Variants in NSD1 observed in about 807,000 individuals in gnomAD.
NSD1 encodes the protein histone-lysine N-methyltransferase, H3 lysine-36 specific.
Under a neutral mutation model 242.7 loss-of-function variants are expected in NSD1, and 26 were observed. That is an observed-to-expected ratio of 0.11 (90% CI 0.08 to 0.15). The LOEUF is 0.15. NSD1 is among the 10% of genes least tolerant of loss of function. NSD1 has a pLI of 1.00. For missense variants in NSD1, 2,495 were observed against 3,272.8 expected, an observed-to-expected ratio of 0.76 and a Z score of 5.80; for synonymous variants, 1,106 against 1,178.1, an observed-to-expected ratio of 0.94 and a Z score of 1.25.
chr5:177,208,382 G>A (rs372382218), intron 4 of NSD1, among the ~76,000 whole-genome samples: 9 of 152,154 alleles, frequency 5.9e-5, no homozygotes, highest in African/African-American at 2.2e-4. Context: ...CAGGTGGCTA[G>A]TGATAACTAG....
chr5:177,233,051 G>C (rs1282695388), intron 5 of NSD1, among the ~76,000 whole-genome samples: 2 of 152,170 alleles, frequency 1.3e-5, no homozygotes, highest in East Asian at 3.9e-4. Context: ...TGTTCTCACT[G>C]TTAGTGATTT....
chr5:177,153,115 C>G (rs1306881345), intron 2 of NSD1, among the ~76,000 whole-genome samples: 2 of 151,728 alleles, frequency 1.3e-5, no homozygotes, highest in African/African-American at 4.8e-5. Context: ...GAAATTAGTT[C>G]TTTGGAGGAG....
intron 2 of NSD1, among the ~76,000 whole-genome samples, chr5:177,185,795 A>C (rs866709405): frequency 2.3e-5 from 2 of 88,396 alleles, no homozygotes; most frequent in Non-Finnish European, 3.9e-5. Context: ...TATATTATAT[A>C]TATATATATA....
intron 5 of NSD1, among the ~76,000 whole-genome samples, chr5:177,229,033 A>G (rs1764850823): frequency 6.6e-6 from 1 of 151,984 alleles, no homozygotes; most frequent in Non-Finnish European, 1.5e-5. Flanking sequence ...ATCATGCAAT[A>G]TGTGATCTTT....
chr5:177,195,660 G>T (rs1298239216), intron 3 of NSD1, among the ~76,000 whole-genome samples: 1 of 152,092 alleles, frequency 6.6e-6, no homozygotes, highest in Non-Finnish European at 1.5e-5. Flanking sequence ...GTAGAGACAG[G>T]GTTTTGCCTT....
Position 177,210,485 on chromosome 5 carries a change from G to A in NSD1, c.2086G>A (p.Val696Ile), listed in dbSNP as rs1296355987. ...TAGGTTTGCTGCCACAAACACTAGG[G>A]TAAAAGCAAAACAGAAGCCTCTCAT... ...YSRFAATNTR[V>I]KAKQKPLISN... Residue 696 changes from valine to isoleucine, a missense_variant, in exon 5 of 23, where the codon GTA becomes ATA. Val to Ile is a conservative substitution (Grantham distance 29, BLOSUM62 3). Coordinates refer to ENST00000439151, the MANE Select transcript of NSD1 (RefSeq NM_022455.5). The A allele has an allele frequency of 6.2e-7, 1 of 1,614,144 alleles. No homozygotes were observed. Among genetic ancestry groups the A allele is most frequent in the Non-Finnish European group, 8.5e-7 (1 of 1,180,016 alleles).
rs1562280465 is a variant in NSD1 at position 177,269,514 on chromosome 5, G to A, written c.5304-88G>A. The A allele has an allele frequency of 1.6e-5, 18 of 1,145,828 alleles. No individual in the cohort carries two copies. Among genetic ancestry groups the A allele is most frequent in the South Asian group, 1.5e-4 (12 of 78,100 alleles). 71.0% of individuals were successfully genotyped at this position (1,145,828 alleles called of 1,614,324 possible). A position where few individuals can be genotyped will look rare whatever the true frequency, so the allele number is the denominator to read the frequency against. ...ACTTTAATGTGGACAGACAGACATT[G>A]CTAATCCTTACTTTTATATGAGTAG... On this transcript the variant is annotated intron_variant, in intron 15 of 22. Coordinates refer to ENST00000439151, the MANE Select transcript of NSD1 (RefSeq NM_022455.5). This position sits in a 1 kb window ranked among gnomAD's most constrained non-coding sequence, Gnocchi z 5.1.
chr5:177,241,810 G>A (rs1018136456), intron 8 of NSD1, among the ~76,000 whole-genome samples: 3 of 152,120 alleles, frequency 2.0e-5, no homozygotes, highest in Non-Finnish European at 4.4e-5. Flanking sequence ...TTTGTCATAA[G>A]GCTAAAGCCA....
At chr5:177,255,707 G>T (rs977207700) in intron 12 of NSD1, among the ~76,000 whole-genome samples, 2 of 151,946 alleles carry the variant, frequency 1.3e-5, no homozygotes, top group Non-Finnish European at 2.9e-5. Flanking sequence ...CTCAGCCTCT[G>T]TATTAGTTGG....
At chr5:177,220,644 A>G (rs1764163939) in intron 5 of NSD1, among the ~76,000 whole-genome samples, 2 of 135,352 alleles carry the variant, frequency 1.5e-5, no homozygotes, top group Non-Finnish European at 3.0e-5. Context: ...ATCTTAGCTC[A>G]CTGCAAACTC....
chr5:177,271,789 A>G (rs1014925832), intron 16 of NSD1, among the ~76,000 whole-genome samples: 2 of 152,122 alleles, frequency 1.3e-5, no homozygotes, highest in Non-Finnish European at 2.9e-5. Context: ...TGGGACCATT[A>G]AAAGGTGAGA....
At chr5:177,224,825 A>G (rs892690704) in intron 5 of NSD1, among the ~76,000 whole-genome samples, 9 of 151,486 alleles carry the variant, frequency 5.9e-5, no homozygotes, top group Admixed American at 2.6e-4. Flanking sequence ...TGGTTTTGTT[A>G]TATTACCTTT....
rs187196202 is a variant in NSD1, at chr5:177,209,384, C to G, written c.1237-252C>G. Among the ~76,000 whole-genome samples the G allele has an allele frequency of 6.6e-5, 10 of 151,920 alleles. No individual in the cohort carries two copies. The East Asian group carries it at 1.8e-3, about 27-fold the overall frequency. ...TTCTACTGAAAATACAAAAAATTAG[C>G]TGGGTGTGGTGGCGGGTGCCTGTAA... On this transcript the variant is annotated intron_variant, in intron 4 of 22. Coordinates refer to ENST00000439151, the MANE Select transcript of NSD1 (RefSeq NM_022455.5).
chr5:177,182,167 A>T (rs1238665207), intron 2 of NSD1, among the ~76,000 whole-genome samples: 1 of 148,668 alleles, frequency 6.7e-6, no homozygotes, highest in South Asian at 2.1e-4. Context: ...AAAAAAAAAA[A>T]TTAGCTGGTC....
In NSD1 at chr5:177,246,710, C is replaced by G. The variant is rs570278338; in HGVS notation, c.4411C>G (p.Arg1471Gly). Residue 1471 changes from arginine (R) to glycine (G), a missense_variant, in exon 10 of 23, where the codon CGA becomes GGA. Transcript: ENST00000439151. ...CAAGATATTTGACAAGCCAAGGAAG[C>G]GAAAACGACAGAGGCATGCTGCAGC... Reference protein sequence around the residue: ...TTKIFDKPRKRKRQRHAAAKM... With the variant: ...TTKIFDKPRKGKRQRHAAAKM... 7 of 1,613,806 alleles carry G rather than the reference C, an allele frequency of 4.3e-6. No homozygotes were observed. The Admixed American group carries it at 6.7e-5, about 15-fold the overall frequency.
rs970731840 is a variant in NSD1, at chr5:177,248,438, C to G, written c.4641+114C>G. ...AGAATAACAATGCTTTTGGATGATT[C>G]CAGTGGAGTCACTTTCTTTAAGGAT... On this transcript the variant is annotated intron_variant, in intron 11 of 22. Transcript: ENST00000439151. 4.7e-6 allele frequency: 6 copies of G among 1,289,286 alleles called. No individual in the cohort carries two copies. The African/African-American group carries it at 7.4e-5, about 16-fold the overall frequency. The allele number at this position is 1,289,286 out of a possible 1,614,324, so 79.9% of individuals were successfully genotyped here.
intron 15 of NSD1, 67 bp downstream of exon 15, chr5:177,267,785 T>C (rs1446139564): frequency 2.8e-6 from 4 of 1,452,644 alleles, no homozygotes; most frequent in African/African-American, 1.4e-5. Flanking sequence ...TCAGATACAA[T>C]GCTTAACGTA....
Position 177,195,584 on chromosome 5 carries a change from G to C in NSD1, c.1063+3565G>C, listed in dbSNP as rs144280584. Among the ~76,000 whole-genome samples the C allele has an allele frequency of 4.5e-3, 684 of 152,168 alleles. 7 individuals are homozygous for C. The highest frequency in any genetic ancestry group is 0.016 in the African/African-American group (652 of 41,500). On this transcript the variant is annotated intron_variant, in intron 3 of 22. Coordinates refer to ENST00000439151, the MANE Select transcript of NSD1 (RefSeq NM_022455.5). ...CCAGGGTCAAGCGATCTTCCCTCCT[G>C]TGCCTTCCAAGCAGCTGGGGCTACA...
intron 19 of NSD1, among the ~76,000 whole-genome samples, chr5:177,283,340 TC>T (rs199836799): frequency 0.023 from 3,500 of 152,332 alleles, 55 homozygotes; most frequent in South Asian, 0.054. Context: ...GATCTTCACT[TC>T]CAGATATTCT....
Sources: allele counts gnomAD v4.1 joint callset (sites outside exome capture counted in the v4.1 genomes callset), GRCh38; gene constraint gnomAD v4.1.1; non-coding constraint Gnocchi (gnomAD v3.1); transcripts MANE v1.5; gene names NCBI Gene and HGNC (gene_info 2026-07-23, HGNC 2026-07-21).